The following CYP7B1 variants were observed in gnomAD, a reference collection of about 807,000 sequenced individuals.
The protein encoded by CYP7B1 is cytochrome P450 family 7 subfamily B member 1.
CYP7B1 carries 29 observed loss-of-function variants against 42.7 expected under a neutral mutation model. That is an observed-to-expected ratio of 0.68 (90% CI 0.51 to 0.93). The LOEUF is 0.93. Ranked by LOEUF, CYP7B1 falls within the 40% of genes least tolerant of loss-of-function variation. The pLI is 0.00. For missense variants in CYP7B1, 655 were observed against 600.5 expected, an observed-to-expected ratio of 1.09 and a Z score of -0.95; for synonymous variants, 235 against 218.2, an observed-to-expected ratio of 1.08 and a Z score of -0.68.
In CYP7B1 at chr8:64,762,808, A is replaced by G. The variant is rs140967101; in HGVS notation, c.122+35658T>C. ...CCTGTAGTAGTTTTCCTTCCAGCAT[A>G]TCTTCTCTACCTATTTTATTATTCA... On this transcript the variant is annotated intron_variant, in intron 1 of 5. Coordinates refer to ENST00000310193, the MANE Select transcript of CYP7B1 (RefSeq NM_004820.5). Among the ~76,000 whole-genome samples the G allele has an allele frequency of 1.8e-3, 269 of 152,334 alleles. 8 individuals carry two copies. In the East Asian group the frequency reaches 0.051, roughly 29 times the overall value.
intron 2 of CYP7B1, among the ~76,000 whole-genome samples, chr8:64,621,192 A>G (rs1371588985): frequency 6.6e-6 from 1 of 152,202 alleles, no homozygotes; most frequent in East Asian, 1.9e-4. Flanking sequence ...ATCAGCTCTA[A>G]GAAATTAGGG....
At chr8:64,615,613 C>T (rs376547217) in intron 3 of CYP7B1, 78 bp downstream of exon 3, 43 of 1,406,054 alleles carry the variant, frequency 3.1e-5, no homozygotes, top group African/African-American at 1.0e-4. Context: ...TTTTCAAGGT[C>T]GCCATTTTGT....
In CYP7B1 at chr8:64,594,692, C is replaced by T. The variant is rs746803862; in HGVS notation, c.*1950G>A. Among the ~76,000 whole-genome samples the T allele has an allele frequency of 2.3e-4, 35 of 152,116 alleles. No individual in the cohort carries two copies. Among genetic ancestry groups the T allele is most frequent in the Non-Finnish European group, 4.0e-4 (27 of 68,008 alleles). On this transcript the variant is annotated 3_prime_UTR_variant, in exon 6 of 6. Coordinates refer to ENST00000310193, the MANE Select transcript of CYP7B1 (RefSeq NM_004820.5). ...AGTTAAAACAAAAAGAAGGAAAAAA[C>T]AAACTCAGTGGATGAGTTGGAGAGA...
At chr8:64,753,458 T>C (rs868139731) in intron 1 of CYP7B1, among the ~76,000 whole-genome samples, 23 of 152,194 alleles carry the variant, frequency 1.5e-4, no homozygotes, top group South Asian at 1.4e-3. Flanking sequence ...CATGTAACCT[T>C]GTCACACCAA....
intron 2 of CYP7B1, among the ~76,000 whole-genome samples, chr8:64,618,417 A>G (rs1162826165): frequency 6.6e-6 from 1 of 152,098 alleles, no homozygotes; most frequent in East Asian, 1.9e-4. Flanking sequence ...TTTTCCTACA[A>G]TTTTCTATAT....
At chr8:64,685,207 C>T (rs565239022) in intron 1 of CYP7B1, among the ~76,000 whole-genome samples, 2,121 of 151,164 alleles carry the variant, frequency 0.014, 55 homozygotes, top group African/African-American at 0.048. Context: ...GGACGGGCCC[C>T]GCGGGGCCCG....
At position 64,777,576 on chromosome 8, in the gene CYP7B1, C is replaced by G. The variant is rs1348841502; in HGVS notation, c.122+20890G>C. ...ATTTATTGATGCAAAAGAAACAGCC[C>G]GAATCACATTGTCATTACAACTTTA... On this transcript the variant is annotated intron_variant, in intron 1 of 5. Transcript: ENST00000310193. Among the ~76,000 whole-genome samples, 5 of 152,140 alleles carry G rather than the reference C, an allele frequency of 3.3e-5. No homozygotes were observed. The South Asian group carries it at 1.0e-3, about 32-fold the overall frequency.
chr8:64,658,616 T>C (rs1806156414), intron 1 of CYP7B1, among the ~76,000 whole-genome samples: 4 of 152,196 alleles, frequency 2.6e-5, no homozygotes, highest in Admixed American at 2.6e-4. Context: ...TCCTTTACTG[T>C]GAAGTTATTT....
At chr8:64,644,047 G>C (rs541546432) in intron 1 of CYP7B1, among the ~76,000 whole-genome samples, 1 of 152,146 alleles carries the variant, frequency 6.6e-6, no homozygotes, top group Non-Finnish European at 1.5e-5. Flanking sequence ...GACTGAGGCA[G>C]GTGGATCACG....
At chr8:64,646,713 G>T (rs147424939) in intron 1 of CYP7B1, among the ~76,000 whole-genome samples, 1 of 152,270 alleles carries the variant, frequency 6.6e-6, no homozygotes, top group Non-Finnish European at 1.5e-5. Context: ...TTCTCAATCA[G>T]CTTTACCTTG....
At chr8:64,704,221 C>T (rs2129632514) in intron 1 of CYP7B1, among the ~76,000 whole-genome samples, 1 of 152,072 alleles carries the variant, frequency 6.6e-6, no homozygotes. Context: ...GTCTATTTTA[C>T]CCATGTGTCA....
intron 1 of CYP7B1, among the ~76,000 whole-genome samples, chr8:64,636,753 G>T (rs1162152625): frequency 6.6e-6 from 1 of 152,150 alleles, no homozygotes; most frequent in African/African-American, 2.4e-5. Flanking sequence ...AACAGAAGTG[G>T]CTCTGAAGTG....
At chr8:64,622,837 G>A (rs972245474) in intron 2 of CYP7B1, among the ~76,000 whole-genome samples, 8 of 152,286 alleles carry the variant, frequency 5.3e-5, no homozygotes, top group African/African-American at 1.9e-4. Context: ...AAATCATTGA[G>A]AAACGTAGGT....
intron 1 of CYP7B1, among the ~76,000 whole-genome samples, chr8:64,697,393 C>A (rs1806844679): frequency 6.6e-6 from 1 of 151,914 alleles, no homozygotes; most frequent in Non-Finnish European, 1.5e-5. Context: ...ATGTGTAAGC[C>A]CCCCTCCCGC....
chr8:64,775,756 T>G (rs914494174), intron 1 of CYP7B1, among the ~76,000 whole-genome samples: 6 of 152,080 alleles, frequency 3.9e-5, no homozygotes, highest in African/African-American at 1.4e-4. Flanking sequence ...GGTAGAGCAT[T>G]TATGCTGAAA....
At chr8:64,686,696 G>A (rs1446334938) in intron 1 of CYP7B1, among the ~76,000 whole-genome samples, 3 of 71,340 alleles carry the variant, frequency 4.2e-5, no homozygotes, top group African/African-American at 5.8e-5. Context: ...AGGCGGGAAA[G>A]GTGGGGAAAA....
In CYP7B1 at chr8:64,591,397, C is replaced by A. The variant is rs1563534411; in HGVS notation, c.*5245G>T. 6.6e-6 allele frequency among the ~76,000 whole-genome samples: 1 copy of A among 152,164 alleles called. No individual in the cohort carries two copies. Among genetic ancestry groups the A allele is most frequent in the East Asian group, 1.9e-4 (1 of 5,190 alleles). Reference sequence around the variant, plus strand: ...AGTAAACAATAGTTTGCAAGATTGGCAAATTTAATAGGTTAAAAAATGCAC... The same window carrying A: ...AGTAAACAATAGTTTGCAAGATTGGAAAATTTAATAGGTTAAAAAATGCAC... On this transcript the variant is annotated 3_prime_UTR_variant, in exon 6 of 6. Coordinates refer to ENST00000310193, the MANE Select transcript of CYP7B1 (RefSeq NM_004820.5).
intron 1 of CYP7B1, among the ~76,000 whole-genome samples, chr8:64,665,136 A>G (rs1252957305): frequency 6.6e-6 from 1 of 152,198 alleles, no homozygotes; most frequent in Non-Finnish European, 1.5e-5. Context: ...TTGAGTCCCT[A>G]CTGTGTTACA....
Position 64,778,761 on chromosome 8 carries a change from T to C in CYP7B1, c.122+19705A>G, listed in dbSNP as rs1804367943. ...GACTGAGATGTGACTCTTGCCTGGC[T>C]ACTACCCTTATGTCACAAGGCAACT... On this transcript the variant is annotated intron_variant, in intron 1 of 5. Transcript: ENST00000310193. Among the ~76,000 whole-genome samples, 2 of 152,114 alleles carry C rather than the reference T, an allele frequency of 1.3e-5. 1 individual carries two copies. Among genetic ancestry groups the C allele is most frequent in the Admixed American group, 1.3e-4 (2 of 15,258 alleles).
Sources: allele counts gnomAD v4.1 joint callset (sites outside exome capture counted in the v4.1 genomes callset), GRCh38; gene constraint gnomAD v4.1.1; transcripts MANE v1.5; gene names NCBI Gene and HGNC (gene_info 2026-07-23, HGNC 2026-07-21).